The following PTGS1 variants were observed in gnomAD, a reference collection of about 807,000 sequenced individuals.
PTGS1 encodes the protein prostaglandin-endoperoxide synthase 1, also known as prostaglandin G/H synthase 1.
PTGS1 carries 40 observed loss-of-function variants against 63.0 expected under a neutral mutation model. That is an observed-to-expected ratio of 0.63 (90% confidence interval 0.49 to 0.83). The LOEUF (loss-of-function observed/expected upper bound fraction) is 0.83. PTGS1 is among the 40% of genes least tolerant of loss of function. The pLI is 0.00. For synonymous variants in PTGS1, 298 were observed against 301.9 expected (o/e 0.99, Z 0.13); for missense variants, 709 against 786.5 (o/e 0.90, Z 1.18).
chr9:122,380,654 A>G (rs967044965), intron 5 of PTGS1, among the ~76,000 whole-genome samples: 5 of 152,164 alleles, frequency 3.3e-5, no homozygotes, highest in Non-Finnish European at 5.9e-5. Flanking sequence ...AACTGAATAG[A>G]TGTGACATGT....
intron 9 of PTGS1, among the ~76,000 whole-genome samples, chr9:122,388,400 C>G (rs1435930580): frequency 6.6e-6 from 1 of 152,286 alleles, no homozygotes; most frequent in South Asian, 2.1e-4. Flanking sequence ...CATGGCTACC[C>G]TCTCAGGGGT....
intron 5 of PTGS1, among the ~76,000 whole-genome samples, chr9:122,380,474 T>A (rs568553689): frequency 0.026 from 3,371 of 129,382 alleles, 139 homozygotes; most frequent in African/African-American, 0.12. Context: ...CAAAAATAAA[T>A]AAATAAATAA....
In PTGS1 at chr9:122,392,241, G is replaced by T; in HGVS notation, c.1497G>T (p.Ala499=). ...AGGAATTGTATGGAGACATTGATGC[G>T]TTGGAGTTCTACCCTGGACTGCTTC... is the stretch of plus-strand genomic sequence containing the variant. ...ELEELYGDID[A]LEFYPGLLLE... Residue 499 remains alanine, a synonymous_variant, in exon 11 of 11, where the codon GCG becomes GCT. Coordinates refer to ENST00000362012, the MANE Select transcript of PTGS1 (RefSeq NM_000962.4). The T allele has an allele frequency of 1.2e-6, 2 of 1,607,816 alleles. No individual in the cohort carries two copies. Among genetic ancestry groups the T allele is most frequent in the Non-Finnish European group, 1.7e-6 (2 of 1,174,828 alleles).
chr9:122,371,067 C>T lies in PTGS1; in HGVS notation c.-18C>T, dbSNP rs1408362165. 5 of 1,593,268 alleles carry T rather than the reference C, an allele frequency of 3.1e-6. No individual in the cohort carries two copies. The African/African-American group carries it at 6.7e-5, about 21-fold the overall frequency. The stretch of plus-strand genomic sequence containing the variant: ...ACAGGAGCCTGCACTCTGCGTCCCG[C>T]ACCCCAGCAGCCGCGCCATGAGCCG... On this transcript the variant is annotated 5_prime_UTR_variant, in exon 1 of 11. Transcript: ENST00000362012.
intron 2 of PTGS1, among the ~76,000 whole-genome samples, chr9:122,375,627 T>C (rs912729315): frequency 7.9e-5 from 12 of 151,800 alleles, no homozygotes; most frequent in Non-Finnish European, 1.5e-4. Flanking sequence ...GAAGAGCAGG[T>C]TGAATTGGAA....
chr9:122,387,679 T>C (rs10306162), intron 9 of PTGS1, among the ~76,000 whole-genome samples: 35,404 of 152,140 alleles, frequency 0.23, 4,811 homozygotes, highest in African/African-American at 0.37. Flanking sequence ...CTTGAACCTC[T>C]GGTCTCCAGA....
At position 122,371,213 on chromosome 9, in the gene PTGS1, T is replaced by A. The variant is rs1836780233; in HGVS notation, c.35T>A (p.Phe12Tyr). The A allele has an allele frequency of 6.3e-7, 1 of 1,588,082 alleles. No individual in the cohort carries two copies. The highest frequency in any genetic ancestry group is 1.7e-5 in the Admixed American group (1 of 59,672). Residue 12 changes from phenylalanine to tyrosine, a missense_variant, in exon 2 of 11, where the codon TTC becomes TAC. Transcript: ENST00000362012. ...SRSLLLWFLLFLLLLPPLPVL... is the reference protein window; with the variant it reads ...SRSLLLWFLLYLLLLPPLPVL... ...AGTCTCTTGCTCTGGTTCTTGCTGT[T>A]CCTGCTCCTGCTCCCGCCGCTCCCC...
chr9:122,382,418 A>G (rs1837583458), intron 7 of PTGS1, among the ~76,000 whole-genome samples: 1 of 152,224 alleles, frequency 6.6e-6, no homozygotes, highest in African/African-American at 2.4e-5. Context: ...TGGATGCTCT[A>G]TTTTCACTGG....
chr9:122,392,267 T>C lies in PTGS1; in HGVS notation c.1523T>C (p.Leu508Pro). The change falls in exon 11 of 11, where the codon CTT (leucine) becomes CCT (proline). Residue 508 changes from leucine to proline, a missense_variant. Leu to Pro is a moderately conservative substitution (Grantham distance 98, BLOSUM62 -3). Coordinates refer to ENST00000362012, the MANE Select transcript of PTGS1 (RefSeq NM_000962.4). ...DALEFYPGLL[L>P]EKCHPNSIFG... The stretch of plus-strand genomic sequence containing the variant: ...TTGGAGTTCTACCCTGGACTGCTTC[T>C]TGAAAAGTGCCATCCAAACTCTATC... The C allele has an allele frequency of 6.2e-7, 1 of 1,613,570 alleles. No individual in the cohort carries two copies. Among genetic ancestry groups the C allele is most frequent in the South Asian group, 1.1e-5 (1 of 91,068 alleles).
chr9:122,376,211 C>T (rs578232618), intron 2 of PTGS1, among the ~76,000 whole-genome samples: 148 of 152,212 alleles, frequency 9.7e-4, no homozygotes, highest in African/African-American at 3.5e-3. Flanking sequence ...CCTGTGGCTG[C>T]CTGATAAAGC....
chr9:122,387,424 C>T (rs1588137984), intron 9 of PTGS1, among the ~76,000 whole-genome samples: 3 of 152,066 alleles, frequency 2.0e-5, no homozygotes, highest in South Asian at 2.1e-4. Context: ...TTTTAAAGTT[C>T]GTATGTTGAA....
rs750057735 is a variant in PTGS1 at position 122,392,361 on chromosome 9, T to C, written c.1617T>C (p.Cys539=). 12 of 1,614,176 alleles carry C rather than the reference T, an allele frequency of 7.4e-6. No individual in the cohort carries two copies. The South Asian group carries it at 1.3e-4, about 18-fold the overall frequency. ...AGGGTCTCCTAGGGAATCCCATCTG[T>C]TCTCCGGAGTACTGGAAGCCGAGCA... is the stretch of plus-strand genomic sequence containing the variant. ...SLKGLLGNPI[C]SPEYWKPSTF... Residue 539 remains cysteine, a synonymous_variant, in exon 11 of 11, where the codon TGT becomes TGC. Transcript: ENST00000362012.
chr9:122,389,708 A>C (rs570419890), intron 9 of PTGS1, among the ~76,000 whole-genome samples: 1 of 152,156 alleles, frequency 6.6e-6, no homozygotes, highest in Admixed American at 6.5e-5. Context: ...TAATCCCGGC[A>C]GTTTGGGAGG....
intron 7 of PTGS1, 80 bp downstream of exon 7, chr9:122,381,827 C>T: frequency 6.9e-7 from 1 of 1,442,344 alleles, no homozygotes; most frequent in Non-Finnish European, 9.5e-7. Context: ...GGGCGGGGGT[C>T]TGGGTCATGT....
chr9:122,381,304 C>T (rs1837497114), intron 5 of PTGS1, 67 bp from the exon 6 acceptor site: 7 of 1,526,444 alleles, frequency 4.6e-6, no homozygotes, highest in Non-Finnish European at 6.2e-6. Flanking sequence ...CCTGGTGAGC[C>T]CAGATGTCCC....
At chr9:122,375,332 T>C in intron 2 of PTGS1, 1 of 985,482 alleles carries the variant, frequency 1.0e-6, no homozygotes, top group Non-Finnish European at 1.2e-6. Flanking sequence ...AGCTTGTGGC[T>C]CTTCTGCCTG....
chr9:122,370,958 G>A, upstream of PTGS1: 1 of 1,461,166 alleles, frequency 6.8e-7, no homozygotes, highest in Non-Finnish European at 9.2e-7. Flanking sequence ...CGAGGTGACA[G>A]CTGGAGGGAG....
At chr9:122,378,071 GC>G in intron 3 of PTGS1, 56 bp downstream of exon 3, 8 of 1,508,816 alleles carry the variant, frequency 5.3e-6, no homozygotes, top group Non-Finnish European at 7.3e-6. Context: ...TGCTCCCCGG[GC>G]CCTTTCTCCT....
In PTGS1 at chr9:122,381,431, T is replaced by C; in HGVS notation, c.557T>C (p.Phe186Ser). 1.2e-6 allele frequency: 2 copies of C among 1,614,180 alleles called. No homozygotes were observed. The highest frequency in any genetic ancestry group is 1.7e-6 in the Non-Finnish European group (2 of 1,180,028). The change falls in exon 6 of 11, where the codon TTC (phenylalanine) becomes TCC (serine). Residue 186 changes from phenylalanine (F) to serine (S), a missense_variant. Physicochemically the swap from Phe to Ser is radical, Grantham distance 155. Coordinates refer to ENST00000362012, the MANE Select transcript of PTGS1 (RefSeq NM_000962.4). ...LARRFLLRRKFIPDPQGTNLM... is the reference protein window; with the variant it reads ...LARRFLLRRKSIPDPQGTNLM... ...CGCCGCTTCCTGCTCAGGAGGAAGT[T>C]CATACCTGACCCCCAAGGCACCAAC... is the stretch of plus-strand genomic sequence containing the variant.
Sources: gnomAD v4.1 joint callset for allele counts (sites outside exome capture counted in the v4.1 genomes callset) on GRCh38, gnomAD v4.1.1 for gene constraint, MANE v1.5 for transcripts, NCBI Gene and HGNC (gene_info 2026-07-23, HGNC 2026-07-21) for gene names.